Variants in MTREX observed in about 807,000 individuals in gnomAD.
The protein encoded by MTREX is Mtr4 exosome RNA helicase.
In MTREX, 76 loss-of-function variants were observed where a neutral mutation model predicts 135.4. The ratio of observed to expected loss-of-function variants is 0.56; its 90% CI spans 0.47 to 0.68. The LOEUF is 0.68. Ranked by LOEUF, MTREX falls within the 30% of genes least tolerant of loss-of-function variation. The probability of loss-of-function intolerance (pLI) is 0.00; values close to 1 mark genes in which losing one functional copy is unlikely to be tolerated. For synonymous variants in MTREX, 404 were observed against 401.6 expected, an observed-to-expected ratio of 1.01 and a Z score of -0.07; for missense variants, 920 against 1,262.1, an observed-to-expected ratio of 0.73 and a Z score of 4.11.
Position 55,308,022 on chromosome 5 carries a change from C to T in MTREX, c.9C>T (p.Asp3=), listed in dbSNP as rs959003251. 4 of 1,614,090 alleles carry T rather than the reference C, an allele frequency of 2.5e-6. No homozygotes were observed. The highest frequency in any genetic ancestry group is 1.1e-5 in the South Asian group (1 of 91,076). Residue 3 remains aspartate, a synonymous_variant, in exon 1 of 27, where the codon GAC becomes GAT. Coordinates refer to ENST00000230640, the MANE Select transcript of MTREX (RefSeq NM_015360.5). ...TCTCACTGCTCCCAAAAATGGCGGA[C>T]GCATTCGGAGATGAGCTGTTCAGCG... MA[D]AFGDELFSVF...
At chr5:55,401,101 T>G (rs1000372312) in intron 21 of MTREX, among the ~76,000 whole-genome samples, 3 of 152,134 alleles carry the variant, frequency 2.0e-5, no homozygotes, top group African/African-American at 7.2e-5. Context: ...GTGGCATGAT[T>G]ATGGCTCACT....
intron 9 of MTREX, 151 bp downstream of exon 9, chr5:55,344,771 G>A: frequency 3.5e-6 from 2 of 565,946 alleles, no homozygotes; most frequent in African/African-American, 3.9e-5. Flanking sequence ...ATTTTTTTGT[G>A]TGTTTTTATT....
At chr5:55,412,271 A>G (rs987106483) in intron 23 of MTREX, among the ~76,000 whole-genome samples, 3 of 152,228 alleles carry the variant, frequency 2.0e-5, no homozygotes, top group South Asian at 2.1e-4. Flanking sequence ...GTTATAAGTA[A>G]GATGAAATTT....
At chr5:55,332,672 C>A (rs1361001885) in intron 5 of MTREX, among the ~76,000 whole-genome samples, 1 of 152,156 alleles carries the variant, frequency 6.6e-6, no homozygotes, top group Non-Finnish European at 1.5e-5. Flanking sequence ...GGGGCCCACC[C>A]CCTTGATAAT....
chr5:55,308,177 AT>A (rs1748999441), intron 1 of MTREX, 30 bp downstream of exon 1: 11 of 1,550,386 alleles, frequency 7.1e-6, no homozygotes, highest in South Asian at 3.6e-5. Flanking sequence ...TGTTGCTTTT[AT>A]TTTTTTTCTC....
chr5:55,335,332 A>G (rs1279130779), intron 5 of MTREX, among the ~76,000 whole-genome samples: 1 of 152,040 alleles, frequency 6.6e-6, no homozygotes, highest in Non-Finnish European at 1.5e-5. Context: ...AATATTTTAT[A>G]GATTGTTCAT....
chr5:55,322,610 A>C, intron 2 of MTREX, 146 bp downstream of exon 2: 4 of 558,448 alleles, frequency 7.2e-6, no homozygotes, highest in Non-Finnish European at 3.0e-6. Flanking sequence ...CAGGCATGTA[A>C]ATGTAGAACA....
At chr5:55,337,603 C>G (rs1749573536) in intron 5 of MTREX, among the ~76,000 whole-genome samples, 1 of 151,884 alleles carries the variant, frequency 6.6e-6, no homozygotes, top group African/African-American at 2.4e-5. Flanking sequence ...TCTTTTGGTT[C>G]CCTTGTATGT....
intron 3 of MTREX, among the ~76,000 whole-genome samples, chr5:55,325,027 C>T (rs1361049733): frequency 2.0e-5 from 3 of 152,074 alleles, no homozygotes; most frequent in Non-Finnish European, 2.9e-5. Context: ...TCAGAGATAG[C>T]TTGTATCCAT....
At chr5:55,374,782 G>GT (rs1750266552) in intron 16 of MTREX, among the ~76,000 whole-genome samples, 2 of 152,188 alleles carry the variant, frequency 1.3e-5, no homozygotes, top group Non-Finnish European at 2.9e-5. Context: ...AGGATGAATT[G>GT]TACCTTCATC....
intron 1 of MTREX, among the ~76,000 whole-genome samples, chr5:55,310,781 GTTTC>G (rs1749099527): frequency 6.6e-6 from 1 of 152,076 alleles, no homozygotes; most frequent in African/African-American, 2.4e-5. Flanking sequence ...TAAAAAAATA[GTTTC>G]TTTACCTTTT....
At chr5:55,392,781 A>G (rs1433839192) in intron 19 of MTREX, among the ~76,000 whole-genome samples, 1 of 152,096 alleles carries the variant, frequency 6.6e-6, no homozygotes. Context: ...GAGCTTTTCT[A>G]ATTCCCCATG....
At chr5:55,323,604 G>A (rs1254521133) in intron 2 of MTREX, among the ~76,000 whole-genome samples, 4 of 151,982 alleles carry the variant, frequency 2.6e-5, no homozygotes, top group African/African-American at 9.7e-5. Context: ...GAGTTTTTTT[G>A]TAGTGAGTTT....
intron 1 of MTREX, among the ~76,000 whole-genome samples, chr5:55,312,195 T>C (rs1257191307): frequency 6.6e-6 from 1 of 152,158 alleles, no homozygotes; most frequent in African/African-American, 2.4e-5. Flanking sequence ...AATCCACCTA[T>C]TAAAAAAGGC....
chr5:55,413,252 G>A (rs1455011485), intron 23 of MTREX, among the ~76,000 whole-genome samples: 3 of 151,020 alleles, frequency 2.0e-5, no homozygotes, highest in East Asian at 3.9e-4. Context: ...CAGGGGAATC[G>A]CTTGAACCCG....
Position 55,356,433 on chromosome 5 carries a change from T to C in MTREX, c.1534-2140T>C, listed in dbSNP as rs754119056. Reference sequence around the variant, plus strand: ...CTGGGCATATTTGGTGCTCTGGCAGTGTGAGGAGGCACATTTGAGGAGGTT... The same window carrying C: ...CTGGGCATATTTGGTGCTCTGGCAGCGTGAGGAGGCACATTTGAGGAGGTT... On this transcript the variant is annotated intron_variant, in intron 14 of 26. Coordinates refer to ENST00000230640, the MANE Select transcript of MTREX (RefSeq NM_015360.5). 61 of 208,496 alleles carry C rather than the reference T, an allele frequency of 2.9e-4. 1 individual carries two copies. The highest frequency in any genetic ancestry group is 4.7e-4 in the Non-Finnish European group (46 of 97,732). 12.9% of individuals were successfully genotyped at this position (208,496 alleles called of 1,614,324 possible).
At chr5:55,367,670 A>G (rs1393617555) in intron 16 of MTREX, among the ~76,000 whole-genome samples, 1 of 152,200 alleles carries the variant, frequency 6.6e-6, no homozygotes, top group Non-Finnish European at 1.5e-5. Flanking sequence ...AAGCACAAAA[A>G]GTAAATGTCC....
intron 19 of MTREX, among the ~76,000 whole-genome samples, chr5:55,395,068 A>G (rs1265763817): frequency 6.6e-6 from 1 of 151,424 alleles, no homozygotes; most frequent in Non-Finnish European, 1.5e-5. Flanking sequence ...TTATAACCAT[A>G]TGAAAATAAA....
At chr5:55,417,963 G>A (rs1166242469) in intron 25 of MTREX, among the ~76,000 whole-genome samples, 12 of 150,564 alleles carry the variant, frequency 8.0e-5, no homozygotes, top group South Asian at 2.1e-4. Flanking sequence ...GGCCAGGCAC[G>A]GTGGCTTACG....
Sources: allele counts gnomAD v4.1 joint callset (sites outside exome capture counted in the v4.1 genomes callset), GRCh38; gene constraint gnomAD v4.1.1; transcripts MANE v1.5; gene names NCBI Gene and HGNC (gene_info 2026-07-23, HGNC 2026-07-21).